The following HUWE1 variants were observed in gnomAD, a reference collection of about 807,000 sequenced individuals.
The protein encoded by HUWE1 is E3 ubiquitin-protein ligase HUWE1.
In HUWE1, 18 loss-of-function variants were observed where a neutral mutation model predicts 299.4. The observed-to-expected ratio is 0.06, with a 90% confidence interval of 0.04 to 0.09. HUWE1 has a LOEUF of 0.09. Ranked by LOEUF, HUWE1 falls within the 10% of genes least tolerant of loss-of-function variation. The pLI is 1.00. For synonymous variants in HUWE1, 1,317 were observed against 1,286.1 expected (o/e 1.02, Z -0.51); for missense variants, 1,832 against 3,462.3 (o/e 0.53, Z 11.82).
rs782221889 is a variant in HUWE1 at position 53,670,573 on chromosome X, TA to T, written c.-25+9475del. On this transcript the variant is annotated intron_variant, in intron 3 of 83. Coordinates refer to ENST00000262854, the MANE Select transcript of HUWE1 (RefSeq NM_031407.7). The stretch of plus-strand genomic sequence containing the variant: ...AGAGGGAGAGATCTGAATTCACCCA[TA>T]AAAGCAGCCTGTCTTTACTTTTTAA... Among the ~76,000 whole-genome samples the T allele has an allele frequency of 6.7e-3, 752 of 111,989 alleles. 4 individuals carry two copies. The highest frequency in any genetic ancestry group is 0.028 in the Middle Eastern group (6 of 217).
intron 78 of HUWE1, 66 bp downstream of exon 78, chrX:53,537,490 C>T (rs1341422358): frequency 1.8e-6 from 2 of 1,119,501 alleles, no homozygotes; most frequent in East Asian, 6.1e-5. Flanking sequence ...CTAGAGCAAG[C>T]CATCGCTACT....
At chrX:53,566,205 T>C (rs1432561847) in intron 49 of HUWE1, among the ~76,000 whole-genome samples, 1 of 96,552 alleles carries the variant, frequency 1.0e-5, no homozygotes, top group Non-Finnish European at 2.0e-5. Context: ...TGATATCACA[T>C]CACACTAAAA....
At chrX:53,559,161 C>A in intron 57 of HUWE1, 101 bp from the exon 58 acceptor site, 1 of 784,302 alleles carries the variant, frequency 1.3e-6, no homozygotes, top group South Asian at 2.3e-5. Context: ...GACCCAAGGT[C>A]TATCACAATG....
intron 47 of HUWE1, among the ~76,000 whole-genome samples, chrX:53,570,375 C>T (rs1556950105): frequency 8.9e-6 from 1 of 112,765 alleles, no homozygotes; most frequent in African/African-American, 3.2e-5. Flanking sequence ...AAGCGGTAAT[C>T]TGAAGCCCCC....
chrX:53,558,445 T>TCC (rs2062133584), intron 59 of HUWE1, among the ~76,000 whole-genome samples: 1 of 112,222 alleles, frequency 8.9e-6, no homozygotes, highest in Non-Finnish European at 1.9e-5. Context: ...GCTCCAGTTT[T>TCC]TCCCTTGACA....
chrX:53,652,394 C>T (rs1557040712), intron 4 of HUWE1, among the ~76,000 whole-genome samples: 1 of 112,081 alleles, frequency 8.9e-6, no homozygotes, highest in Non-Finnish European at 1.9e-5. Flanking sequence ...ATCATTCTAG[C>T]ATGGTTTCCT....
intron 6 of HUWE1, among the ~76,000 whole-genome samples, chrX:53,645,737 ATATATATATAT>A (rs1296814713): frequency 0.17 from 6,519 of 38,184 alleles, 930 homozygotes; most frequent in African/African-American, 0.36. Flanking sequence ...AAAAAAAAAA[ATATATATATAT>A]ATATATATAT....
chrX:53,577,148 G>T, intron 43 of HUWE1, 81 bp from the exon 44 acceptor site: 1 of 730,511 alleles, frequency 1.4e-6, no homozygotes. Flanking sequence ...TCAGAAGGGG[G>T]CATGTATGAT....
In HUWE1 at chrX:53,631,469, G is replaced by A; in HGVS notation, c.707C>T (p.Pro236Leu). 1 of 1,195,122 alleles carries A rather than the reference G, an allele frequency of 8.4e-7. No homozygotes were observed. Among genetic ancestry groups the A allele is most frequent in the South Asian group, 1.8e-5 (1 of 56,451 alleles). ...IEQLDKISES[P>L]SEIMESLTKM... is the part of the protein sequence containing the mutation. ...GGTAAGAGATTCCATGATTTCAGAAGGGCTTTCTGAAATCTACATTAAAAA... is the reference window on the plus strand; with the variant it reads ...GGTAAGAGATTCCATGATTTCAGAAAGGCTTTCTGAAATCTACATTAAAAA... Residue 236 changes from proline (P) to leucine (L), a missense_variant, in exon 11 of 84, where the codon CCT becomes CTT. Around this residue, in one of 15 missense-constraint regions of HUWE1, gnomAD observed 658 missense variants for 1,282.6 expected, o/e 0.51. Coordinates refer to ENST00000262854, the MANE Select transcript of HUWE1 (RefSeq NM_031407.7).
In HUWE1 at chrX:53,609,028, A is replaced by AT. The variant is rs1320550579; in HGVS notation, c.2262-120dup. The AT allele has an allele frequency of 1.2e-5, 6 of 518,316 alleles. No homozygotes were observed. In the African/African-American group the frequency reaches 1.2e-4, roughly 10 times the overall value. The allele number at this position is 518,316 out of a possible 1,213,427, so 42.7% of individuals were successfully genotyped here. A position where few individuals can be genotyped will look rare whatever the true frequency, so the allele number is the denominator to read the frequency against. On this transcript the variant is annotated intron_variant, in intron 23 of 83. Coordinates refer to ENST00000262854, the MANE Select transcript of HUWE1 (RefSeq NM_031407.7). ...TTTCTATTTATTTATTTATTTGCTTATTTTTTTGAGACAGGGTCTTGCTGT... is the reference window on the plus strand; with the variant it reads ...TTTCTATTTATTTATTTATTTGCTTATTTTTTTTGAGACAGGGTCTTGCTGT...
intron 75 of HUWE1, 60 bp downstream of exon 75, chrX:53,539,597 C>T (rs1217295090): frequency 8.8e-6 from 10 of 1,132,246 alleles, no homozygotes; most frequent in Non-Finnish European, 1.2e-5. Context: ...AACAAGCTGG[C>T]AGGAAGGGCC....
Position 53,543,872 on chromosome X carries a change from T to C in HUWE1, c.11348A>G (p.Gln3783Arg). The change falls in exon 73 of 84, where the codon CAA (glutamine) becomes CGA (arginine). Residue 3783 changes from glutamine (Q) to arginine (R), a missense_variant. Physicochemically the swap from Gln to Arg is conservative, Grantham distance 43 (BLOSUM62 1). Coordinates refer to ENST00000262854, the MANE Select transcript of HUWE1 (RefSeq NM_031407.7). ...DAIIQMVREG[Q>R]RARRQQQAAT... Reference sequence around the variant, plus strand: ...TGCTTGTTGCTGTCTCCGCGCCCTTTGACCCTCACGTACCATTTGTATAAT... The same window carrying C: ...TGCTTGTTGCTGTCTCCGCGCCCTTCGACCCTCACGTACCATTTGTATAAT... The C allele has an allele frequency of 8.3e-7, 1 of 1,211,193 alleles. No individual in the cohort carries two copies.
intron 23 of HUWE1, among the ~76,000 whole-genome samples, chrX:53,613,829 A>G (rs782529862): frequency 2.7e-5 from 3 of 111,943 alleles, no homozygotes; most frequent in African/African-American, 6.5e-5. Context: ...TCAAAAGTAC[A>G]TTGTTTTTCA....
In HUWE1 at chrX:53,594,521, C is replaced by T. The variant is rs1556982895; in HGVS notation, c.3481G>A (p.Gly1161Arg). 4 of 1,208,672 alleles carry T rather than the reference C, an allele frequency of 3.3e-6. No homozygotes were observed. Among genetic ancestry groups the T allele is most frequent in the Non-Finnish European group, 2.2e-6 (2 of 894,273 alleles). Residue 1161 changes from glycine (G) to arginine (R), a missense_variant, in exon 31 of 84, where the codon GGA becomes AGA. Coordinates refer to ENST00000262854, the MANE Select transcript of HUWE1 (RefSeq NM_031407.7). ...TACTCAAAAAGAGCATTGTGGCCTC[C>T]GGAGCAGAGAAATTTTTGCAGCATG... ...HLMLQKFLCS[G>R]GHNALFETFN...
At chrX:53,635,446 A>G (rs2067145772) in intron 7 of HUWE1, among the ~76,000 whole-genome samples, 1 of 110,300 alleles carries the variant, frequency 9.1e-6, no homozygotes, top group South Asian at 3.9e-4. Flanking sequence ...AGCCTGCCAC[A>G]CAGCTAGGAC....
intron 2 of HUWE1, among the ~76,000 whole-genome samples, chrX:53,683,236 C>T (rs969767916): frequency 2.1e-4 from 23 of 110,692 alleles, no homozygotes; most frequent in African/African-American, 7.6e-4. Flanking sequence ...CAACTATCCA[C>T]GTAGATGAAG....
At chrX:53,621,637 C>G (rs1557012418) in intron 19 of HUWE1, among the ~76,000 whole-genome samples, 1 of 110,103 alleles carries the variant, frequency 9.1e-6, no homozygotes, top group Non-Finnish European at 1.9e-5. Context: ...ACAGCCCACA[C>G]TCCACTTTCA....
In HUWE1 at chrX:53,580,916, G is replaced by A. The variant is rs781860825; in HGVS notation, c.5631C>T (p.Ala1877=). Residue 1877 remains alanine (A), a synonymous_variant, in exon 43 of 84, where the codon GCC becomes GCT. Transcript: ENST00000262854. Reference sequence around the variant, plus strand: ...TGAATATGTCTGGATTGCGGCATGCGGCTGGCCCAAGGACACGAAGGATGT... The same window carrying A: ...TGAATATGTCTGGATTGCGGCATGCAGCTGGCCCAAGGACACGAAGGATGT... The part of the protein sequence containing the change: ...INYILRVLGP[A]ACRNPDIFTE... 24 of 1,209,520 alleles carry A rather than the reference G, an allele frequency of 2.0e-5. 1 individual carries two copies. Among genetic ancestry groups the A allele is most frequent in the South Asian group, 7.0e-5 (4 of 56,770 alleles).
chrX:53,612,345 A>G (rs1265560547), intron 23 of HUWE1, among the ~76,000 whole-genome samples: 2 of 112,094 alleles, frequency 1.8e-5, no homozygotes, highest in Non-Finnish European at 3.8e-5. Context: ...AGTAACTACT[A>G]GAGTCCTCTG....
Sources: gnomAD v4.1 joint callset for allele counts (sites outside exome capture counted in the v4.1 genomes callset) on GRCh38, gnomAD v4.1.1 for gene constraint, gnomAD v4.1.1 regional missense constraint, MANE v1.5 for transcripts, NCBI Gene and HGNC (gene_info 2026-07-23, HGNC 2026-07-21) for gene names.